ARCN1: variants seen among roughly 807,000 people sequenced by gnomAD.
ARCN1 encodes archain 1 coat protein complex I subunit delta.
ARCN1 carries 5 observed loss-of-function variants against 60.4 expected under a neutral mutation model. That is an observed-to-expected ratio of 0.08 (90% CI 0.04 to 0.17). The LOEUF (loss-of-function observed/expected upper bound fraction) is 0.17. Among genes scored for constraint, ARCN1 ranks in the 10% least tolerant of loss-of-function variants. The pLI, the probability that ARCN1 is intolerant of heterozygous loss-of-function variation, is 1.00. For synonymous variants in ARCN1, 224 were observed against 220.0 expected, an observed-to-expected ratio of 1.02 and a Z score of -0.16; for missense variants, 464 against 626.5, an observed-to-expected ratio of 0.74 and a Z score of 2.77.
chr11:118,599,491 T>C (rs1418708641), intron 9 of ARCN1, among the ~76,000 whole-genome samples: 2 of 152,030 alleles, frequency 1.3e-5, no homozygotes, highest in African/African-American at 4.8e-5. Flanking sequence ...TGCAGTGCGA[T>C]CTCAGCTCAC....
rs1555077711 is a variant in ARCN1, at chr11:118,599,179, GCCTCC to G, written c.1446+1270_1446+1274del. On this transcript the variant is annotated intron_variant, in intron 9 of 9. Coordinates refer to ENST00000264028, the MANE Select transcript of ARCN1 (RefSeq NM_001655.5). The stretch of plus-strand genomic sequence containing the variant: ...GTGATGTTGGTTCACTGCAACCTCT[GCCTCC>G]CAGGTTCAAGCGATTCTCCTGCCTC... 2.6e-5 allele frequency among the ~76,000 whole-genome samples: 4 copies of G among 151,666 alleles called. No homozygotes were observed. In the East Asian group the frequency reaches 5.8e-4, roughly 22 times the overall value.
intron 9 of ARCN1, 150 bp downstream of exon 9, chr11:118,598,061 A>G: frequency 1.4e-6 from 1 of 718,950 alleles, no homozygotes; most frequent in African/African-American, 1.8e-5. Flanking sequence ...TTTCTAATTC[A>G]TTGTATGATC....
In ARCN1 at chr11:118,592,717, A is replaced by G. The variant is rs1447162107; in HGVS notation, c.993A>G (p.Pro331=). The change falls in exon 7 of 10, where the codon CCA becomes CCG. Residue 331 remains proline (P), a synonymous_variant. Coordinates refer to ENST00000264028, the MANE Select transcript of ARCN1 (RefSeq NM_001655.5). ...DKKGVQLQTH[P]NVDKKLFTAE... is the part of the protein sequence containing the mutation. ...TTTCCCTCTCATTCTAGACCCATCCAAATGTGGATAAAAAACTTTTCACTG... is the reference window on the plus strand; with the variant it reads ...TTTCCCTCTCATTCTAGACCCATCCGAATGTGGATAAAAAACTTTTCACTG... The G allele has an allele frequency of 1.2e-6, 2 of 1,613,790 alleles. No homozygotes were observed. Among genetic ancestry groups the G allele is most frequent in the African/African-American group, 2.7e-5 (2 of 74,916 alleles).
chr11:118,593,357 A>G (rs1352943157), intron 7 of ARCN1, among the ~76,000 whole-genome samples: 1 of 149,236 alleles, frequency 6.7e-6, no homozygotes, highest in East Asian at 2.0e-4. Context: ...CCTCCTGAGT[A>G]GCTAGGAGAA....
Position 118,572,449 on chromosome 11 carries a change from G to A in ARCN1, c.-99G>A. 7.5e-7 allele frequency: 1 copy of A among 1,325,244 alleles called. No individual in the cohort carries two copies. Among genetic ancestry groups the A allele is most frequent in the Non-Finnish European group, 1.0e-6 (1 of 957,766 alleles). The allele number at this position is 1,325,244 out of a possible 1,614,324, so 82.1% of individuals were successfully genotyped here. ...GAAGCGGCAGCGGTTCCTGTCAAGG[G>A]GGCAGCAGGTCCAGAGCTGCTGGTG... On this transcript the variant is annotated 5_prime_UTR_variant, in exon 1 of 10. Coordinates refer to ENST00000264028, the MANE Select transcript of ARCN1 (RefSeq NM_001655.5).
intron 5 of ARCN1, among the ~76,000 whole-genome samples, chr11:118,588,026 C>T (rs538903590): frequency 2.0e-5 from 3 of 152,198 alleles, no homozygotes; most frequent in East Asian, 1.9e-4. Flanking sequence ...AGCTGGGGTA[C>T]GCCACCCTCC....
At chr11:118,582,540 C>T (rs937781022) in intron 2 of ARCN1, among the ~76,000 whole-genome samples, 4 of 149,652 alleles carry the variant, frequency 2.7e-5, no homozygotes, top group Non-Finnish European at 4.4e-5. Context: ...GCCTGACCAA[C>T]GTGGTGAAAC....
At chr11:118,576,449 A>AAC (rs1555073620) in intron 1 of ARCN1, among the ~76,000 whole-genome samples, 2 of 145,296 alleles carry the variant, frequency 1.4e-5, no homozygotes, top group Admixed American at 6.8e-5. Flanking sequence ...AAAAAAAAAA[A>AAC]CCAAAAACTT....
intron 1 of ARCN1, among the ~76,000 whole-genome samples, chr11:118,578,307 G>GT (rs1333956715): frequency 7.9e-5 from 12 of 152,060 alleles, no homozygotes; most frequent in Admixed American, 6.6e-4. Context: ...GTATAGAGGT[G>GT]TTTTTAACTC....
rs782775362 is a variant in ARCN1 at position 118,590,426 on chromosome 11, A to G, written c.904A>G (p.Met302Val). The G allele has an allele frequency of 1.7e-5, 28 of 1,614,124 alleles. No individual in the cohort carries two copies. The highest frequency in any genetic ancestry group is 5.3e-5 in the African/African-American group (4 of 74,946). Reference protein sequence around the residue: ...LQNMELHGMIMLRISDDKYGR... With the variant: ...LQNMELHGMIVLRISDDKYGR... ...GAATATGGAGTTGCATGGCATGATC[A>G]TGCTTAGGATCTCAGATGACAAGTA... The change falls in exon 6 of 10, where the codon ATG (methionine) becomes GTG (valine). Residue 302 changes from methionine to valine, a missense_variant. This residue lies in a region of ARCN1 where 359 missense variants were observed against 440.2 expected (regional missense o/e 0.82). Transcript: ENST00000264028.
intron 6 of ARCN1, among the ~76,000 whole-genome samples, chr11:118,592,187 C>G (rs970204792): frequency 1.3e-5 from 2 of 152,278 alleles, no homozygotes; most frequent in Middle Eastern, 3.4e-3. Context: ...TCAGCCTCCC[C>G]AAAAGCAATT....
chr11:118,585,300 C>G (rs1938754395), intron 5 of ARCN1, among the ~76,000 whole-genome samples: 1 of 152,008 alleles, frequency 6.6e-6, no homozygotes, highest in African/African-American at 2.4e-5. Context: ...GGGCCCTCAG[C>G]CACCTATTTT....
intron 1 of ARCN1, among the ~76,000 whole-genome samples, chr11:118,576,676 G>A (rs1214293178): frequency 6.6e-6 from 1 of 152,096 alleles, no homozygotes; most frequent in Non-Finnish European, 1.5e-5. Flanking sequence ...ATACCTTCTA[G>A]CCATATTAGT....
chr11:118,598,938 C>T (rs1939090690), intron 9 of ARCN1, among the ~76,000 whole-genome samples: 4 of 150,710 alleles, frequency 2.7e-5, no homozygotes, highest in Admixed American at 2.7e-4. Context: ...AGATTACATG[C>T]GCCTGCCACC....
chr11:118,575,089 C>T (rs1332187268), intron 1 of ARCN1, among the ~76,000 whole-genome samples: 6 of 152,214 alleles, frequency 3.9e-5, no homozygotes, highest in Non-Finnish European at 7.3e-5. Flanking sequence ...AGCTATCCTC[C>T]TGCCTCAGCC....
chr11:118,583,209 A>G lies in ARCN1; in HGVS notation c.298A>G (p.Asn100Asp), dbSNP rs1380877994. ...TGAATATTGCCGAGCCTTAGAAGAGAATGAAATATCTGAGCACTGTTTTGA... is the reference window on the plus strand; with the variant it reads ...TGAATATTGCCGAGCCTTAGAAGAGGATGAAATATCTGAGCACTGTTTTGA... ...IPEYCRALEE[N>D]EISEHCFDLI... is the part of the protein sequence containing the mutation. Residue 100 changes from asparagine to aspartate, a missense_variant, in exon 3 of 10, where the codon AAT becomes GAT. Asn to Asp is a conservative substitution (Grantham distance 23). This residue lies in a region of ARCN1 where 105 missense variants were observed against 186.3 expected (regional missense o/e 0.56). Coordinates refer to ENST00000264028, the MANE Select transcript of ARCN1 (RefSeq NM_001655.5). The G allele has an allele frequency of 6.2e-7, 1 of 1,614,046 alleles. No individual in the cohort carries two copies. Among genetic ancestry groups the G allele is most frequent in the Non-Finnish European group, 8.5e-7 (1 of 1,180,032 alleles).
chr11:118,597,652 G>A lies in ARCN1; in HGVS notation c.1242-55G>A, dbSNP rs535902893. On this transcript the variant is annotated intron_variant, in intron 8 of 9. Transcript: ENST00000264028. The stretch of plus-strand genomic sequence containing the variant: ...ATATCAAATTTGGGGTTGGTTTTCC[G>A]TGGTGGAGTTCTAGCTCTGAACAGC... 186 of 1,585,314 alleles carry A rather than the reference G, an allele frequency of 1.2e-4. 1 individual carries two copies. In the South Asian group the frequency reaches 1.4e-3, roughly 12 times the overall value.
At chr11:118,595,025 T>C (rs1428485763) in intron 8 of ARCN1, among the ~76,000 whole-genome samples, 4 of 151,996 alleles carry the variant, frequency 2.6e-5, no homozygotes, top group Non-Finnish European at 5.9e-5. Flanking sequence ...AATTTTTGTA[T>C]TTTTAATAGA....
chr11:118,573,724 G>A (rs1555072905), intron 1 of ARCN1: 5 of 692,688 alleles, frequency 7.2e-6, no homozygotes, highest in Non-Finnish European at 1.3e-5. Flanking sequence ...TAAGAACTTG[G>A]ATAATGGGGG....
Sources: allele counts gnomAD v4.1 joint callset (sites outside exome capture counted in the v4.1 genomes callset), GRCh38; gene constraint gnomAD v4.1.1; regional missense constraint gnomAD v4.1.1; transcripts MANE v1.5; gene names NCBI Gene and HGNC (gene_info 2026-07-23, HGNC 2026-07-21).